SPOCK3: variants seen among roughly 807,000 people sequenced by gnomAD.
SPOCK3 encodes testican-3.
Under a neutral mutation model 56.6 loss-of-function variants are expected in SPOCK3, and 30 were observed. The ratio of observed to expected loss-of-function variants is 0.53; its 90% CI spans 0.40 to 0.72. SPOCK3 has a LOEUF of 0.72. Ranked by LOEUF, SPOCK3 falls within the 30% of genes least tolerant of loss-of-function variation. The pLI is 0.00. For missense variants in SPOCK3, 527 were observed against 530.0 expected (o/e 0.99, Z 0.06); for synonymous variants, 196 against 183.3 (o/e 1.07, Z -0.56).
At chr4:166,776,609 G>A (rs1346331049) in intron 7 of SPOCK3, among the ~76,000 whole-genome samples, 1 of 152,092 alleles carries the variant, frequency 6.6e-6, no homozygotes, top group Admixed American at 6.6e-5. Context: ...AACCCAAACA[G>A]TACAAATTTA....
rs1446671235 is a variant in SPOCK3 at position 167,116,909 on chromosome 4, G to GTATATATA, written c.190-54373_190-54372insTATATATA. Among the ~76,000 whole-genome samples the GTATATATA allele has an allele frequency of 1.9e-3, 239 of 123,486 alleles. 4 individuals are homozygous for GTATATATA. Among genetic ancestry groups the GTATATATA allele is most frequent in the Middle Eastern group, 5.8e-3 (1 of 172 alleles). The allele number at this position is 123,486 out of a possible 152,430, so 81.0% of individuals were successfully genotyped here. A position where few individuals can be genotyped will look rare whatever the true frequency, so the allele number is the denominator to read the frequency against. On this transcript the variant is annotated intron_variant, in intron 2 of 10. Transcript: ENST00000357545. ...TATACATATATACTTTTGTGTGTGTGTGTGTATATATATATATATATATAC... is the reference window on the plus strand; with the variant it reads ...TATACATATATACTTTTGTGTGTGTGTATATATATGTGTATATATATATATATATATAC...
At chr4:167,048,305 G>A (rs1272418839) in intron 3 of SPOCK3, among the ~76,000 whole-genome samples, 2 of 151,542 alleles carry the variant, frequency 1.3e-5, no homozygotes, top group Non-Finnish European at 2.9e-5. Context: ...ATACTAGATT[G>A]TTAGGTAATT....
At chr4:167,109,405 A>ATTT in intron 2 of SPOCK3, among the ~76,000 whole-genome samples, 2 of 75,362 alleles carry the variant, frequency 2.7e-5, no homozygotes, top group African/African-American at 9.6e-5. Flanking sequence ...ATATTTATAT[A>ATTT]TAAATATATA....
chr4:166,898,049 A>G (rs1735586507), intron 5 of SPOCK3, among the ~76,000 whole-genome samples: 1 of 151,904 alleles, frequency 6.6e-6, no homozygotes, highest in Non-Finnish European at 1.5e-5. Context: ...AATAAAAAAA[A>G]AAGTGGCTGG....
At chr4:167,147,350 G>A (rs1397758971) in intron 2 of SPOCK3, among the ~76,000 whole-genome samples, 2 of 152,112 alleles carry the variant, frequency 1.3e-5, no homozygotes, top group Non-Finnish European at 2.9e-5. Flanking sequence ...AGGACCAGTT[G>A]GACTCACAGC....
rs1256790572 is a variant in SPOCK3 at position 167,205,283 on chromosome 4, T to G, written c.189+28702A>C. Among the ~76,000 whole-genome samples the G allele has an allele frequency of 1.9e-4, 10 of 53,958 alleles. No homozygotes were observed. The East Asian group carries it at 2.3e-3, about 12-fold the overall frequency. The allele number at this position is 53,958 out of a possible 152,430, so 35.4% of individuals were successfully genotyped here. On this transcript the variant is annotated intron_variant, in intron 2 of 10. Transcript: ENST00000357545. Reference sequence around the variant, plus strand: ...TTTTATATCTATAATATATATTATATATATTTTATATCTATAATATATATT... The same window carrying G: ...TTTTATATCTATAATATATATTATAGATATTTTATATCTATAATATATATT...
At chr4:167,035,301 A>G (rs1005205243) in intron 3 of SPOCK3, among the ~76,000 whole-genome samples, 4 of 152,218 alleles carry the variant, frequency 2.6e-5, no homozygotes, top group African/African-American at 9.6e-5. Flanking sequence ...CATTATTTCT[A>G]TATGATTACC....
intron 4 of SPOCK3, among the ~76,000 whole-genome samples, chr4:166,968,659 G>A (rs752306584): frequency 4.4e-5 from 6 of 137,466 alleles, no homozygotes; most frequent in Admixed American, 4.1e-4. Context: ...TTATTAAAAG[G>A]CTTGGATGTC....
chr4:167,079,363 C>A (rs1374600356), intron 2 of SPOCK3, among the ~76,000 whole-genome samples: 1 of 151,896 alleles, frequency 6.6e-6, no homozygotes, highest in East Asian at 1.9e-4. Flanking sequence ...AATTTATGCT[C>A]CTTGCTGTGT....
At chr4:167,141,860 C>G (rs774634985) in intron 2 of SPOCK3, among the ~76,000 whole-genome samples, 19 of 151,888 alleles carry the variant, frequency 1.3e-4, no homozygotes, top group Non-Finnish European at 2.5e-4. Flanking sequence ...CCCAGCACAA[C>G]AGATTGAAAA....
rs1033402857 is a variant in SPOCK3 at position 166,809,926 on chromosome 4, G to A, written c.590-17637C>T. On this transcript the variant is annotated intron_variant, in intron 6 of 10. Coordinates refer to ENST00000357545, the MANE Select transcript of SPOCK3 (RefSeq NM_001040159.2). ...CACAGACAAAAACAAAAATTTCTTC[G>A]TACCATGAAATTAATCAAATATGTC... Among the ~76,000 whole-genome samples, 5 of 152,038 alleles carry A rather than the reference G, an allele frequency of 3.3e-5. No homozygotes were observed. In the Middle Eastern group the frequency reaches 0.014, roughly 414 times the overall value.
intron 4 of SPOCK3, among the ~76,000 whole-genome samples, chr4:166,948,222 G>C (rs1030779209): frequency 6.6e-6 from 1 of 152,034 alleles, no homozygotes; most frequent in African/African-American, 2.4e-5. Context: ...GTATTCCATT[G>C]TGCATATATA....
chr4:166,945,719 A>G (rs917176089), intron 4 of SPOCK3, among the ~76,000 whole-genome samples: 3 of 152,136 alleles, frequency 2.0e-5, no homozygotes, highest in Admixed American at 6.5e-5. Context: ...CCATCACTCA[A>G]TGGGCATAGT....
At chr4:167,128,953 C>T (rs926773363) in intron 2 of SPOCK3, among the ~76,000 whole-genome samples, 1 of 152,122 alleles carries the variant, frequency 6.6e-6, no homozygotes, top group Non-Finnish European at 1.5e-5. Context: ...CCCTACCAGA[C>T]TGTGGAGTGA....
intron 2 of SPOCK3, among the ~76,000 whole-genome samples, chr4:167,220,378 CTTT>C (rs61002914): frequency 3.8e-5 from 5 of 130,028 alleles, no homozygotes; most frequent in African/African-American, 5.8e-5. Flanking sequence ...ACTGTAAGAA[CTTT>C]TTTTTTTTTT....
At chr4:167,022,675 T>C (rs1751305701) in intron 3 of SPOCK3, among the ~76,000 whole-genome samples, 1 of 151,966 alleles carries the variant, frequency 6.6e-6, no homozygotes, top group South Asian at 2.1e-4. Context: ...CCCTGAAACA[T>C]AGTGATAAAG....
chr4:166,961,086 C>T (rs547148476), intron 4 of SPOCK3, among the ~76,000 whole-genome samples: 1 of 151,878 alleles, frequency 6.6e-6, no homozygotes, highest in Non-Finnish European at 1.5e-5. Context: ...GAAAGACAGG[C>T]AAATGATATA....
At chr4:167,022,652 T>G (rs1162279566) in intron 3 of SPOCK3, among the ~76,000 whole-genome samples, 1 of 152,050 alleles carries the variant, frequency 6.6e-6, no homozygotes, top group African/African-American at 2.4e-5. Context: ...ATTATGAACC[T>G]CTTCAGAGGT....
intron 4 of SPOCK3, among the ~76,000 whole-genome samples, chr4:166,928,271 C>A (rs1739343943): frequency 1.3e-5 from 2 of 152,196 alleles, no homozygotes; most frequent in South Asian, 4.1e-4. Context: ...CAAAAGCTTG[C>A]AGACAGATGT....
Sources: gnomAD v4.1 joint callset for allele counts (sites outside exome capture counted in the v4.1 genomes callset) on GRCh38, gnomAD v4.1.1 for gene constraint, MANE v1.5 for transcripts, NCBI Gene and HGNC (gene_info 2026-07-23, HGNC 2026-07-21) for gene names.